FBRSL1: variants seen among roughly 807,000 people sequenced by gnomAD.
FBRSL1 encodes fibrosin like 1, also known as fibrosin-1-like protein.
In FBRSL1, 51 loss-of-function variants were observed where a neutral mutation model predicts 89.6. The ratio of observed to expected loss-of-function variants is 0.57; its 90% CI spans 0.45 to 0.72. The LOEUF is 0.72. FBRSL1 is among the 30% of genes least tolerant of loss of function. The pLI is 0.00. For missense variants in FBRSL1, 1,618 were observed against 1,451.8 expected (o/e 1.11, Z -1.86); for synonymous variants, 779 against 681.1 (o/e 1.14, Z -2.24).
At chr12:132,565,629 A>C (rs1470756537) in intron 5 of FBRSL1, 1 of 152,062 alleles carries the variant, frequency 6.6e-6, no homozygotes, top group Non-Finnish European at 1.5e-5. Flanking sequence ...GTTTGTGCCC[A>C]TGTACGTGTA....
In FBRSL1 at chr12:132,507,626, C is replaced by T. The variant is rs2033840837; in HGVS notation, c.292-527C>T. On this transcript the variant is annotated intron_variant, in intron 1 of 18. Transcript: ENST00000680143. ...GGTGAACACGGGGAAGCATCTCTGT[C>T]CCAAATCCACAGACCCGTCTGGGAG... 2.0e-5 allele frequency among the ~76,000 whole-genome samples: 3 copies of T among 152,140 alleles called. No homozygotes were observed. The South Asian group carries it at 6.2e-4, about 31-fold the overall frequency.
intron 2 of FBRSL1, among the ~76,000 whole-genome samples, chr12:132,524,723 C>T (rs1593339007): frequency 6.6e-6 from 1 of 152,202 alleles, no homozygotes; most frequent in Non-Finnish European, 1.5e-5. Flanking sequence ...AGAGGGAGAC[C>T]GCTGGGCTTC....
intron 5 of FBRSL1, among the ~76,000 whole-genome samples, chr12:132,549,638 C>A (rs1211385734): frequency 6.6e-6 from 1 of 152,218 alleles, no homozygotes; most frequent in Admixed American, 6.5e-5. Context: ...TCCCTCTCCC[C>A]TCCCCGCCTG....
At chr12:132,508,575 C>T (rs1324659168) in intron 2 of FBRSL1, among the ~76,000 whole-genome samples, 1 of 152,182 alleles carries the variant, frequency 6.6e-6, no homozygotes, top group African/African-American at 2.4e-5. Context: ...AGGGCCACAG[C>T]AGGAGAGGTG....
At chr12:132,580,778 C>T (rs1050213719) in intron 15 of FBRSL1, 3 of 985,298 alleles carry the variant, frequency 3.0e-6, no homozygotes, top group Non-Finnish European at 3.6e-6. Flanking sequence ...AAGATGACGC[C>T]CTGCTGGTCT....
At chr12:132,551,164 T>C in intron 5 of FBRSL1, 2 of 347,070 alleles carry the variant, frequency 5.8e-6, no homozygotes, top group South Asian at 2.1e-5. Context: ...GACAGGAACA[T>C]GGGGGTGCTT....
chr12:132,502,993 C>T (rs1193494162), intron 1 of FBRSL1, among the ~76,000 whole-genome samples: 3 of 151,954 alleles, frequency 2.0e-5, no homozygotes, highest in African/African-American at 7.2e-5. Context: ...TCTGGGTCTC[C>T]GACTTGTCTG....
intron 5 of FBRSL1, chr12:132,550,963 G>A (rs934888756): frequency 4.3e-6 from 1 of 232,038 alleles, no homozygotes; most frequent in Admixed American, 4.9e-5. Flanking sequence ...CGCACACAGA[G>A]GCGTAGGCAG....
intron 2 of FBRSL1, among the ~76,000 whole-genome samples, chr12:132,524,388 C>G (rs2035612074): frequency 6.6e-6 from 1 of 152,242 alleles, no homozygotes; most frequent in Non-Finnish European, 1.5e-5. Flanking sequence ...ACCTCAGGGG[C>G]CTGGGTGACA....
rs541007099 is a variant in FBRSL1, at chr12:132,574,357, G to A, written c.1629+9G>A. On this transcript the variant is annotated intron_variant, in intron 13 of 18. Coordinates refer to ENST00000680143, the MANE Select transcript of FBRSL1 (RefSeq NM_001367871.1). ...ACCGGGCGGTGGTCAAGGTGAGCAC[G>A]TGTTGGGAAGGCCCGTGGCAAGGGA... 9.6e-5 allele frequency: 149 copies of A among 1,549,870 alleles called. 1 individual carries two copies. The South Asian group carries it at 1.5e-3, about 16-fold the overall frequency.
chr12:132,545,593 G>C (rs980437990), intron 4 of FBRSL1, among the ~76,000 whole-genome samples: 1 of 152,198 alleles, frequency 6.6e-6, no homozygotes, highest in African/African-American at 2.4e-5. Context: ...TCCAGCCACA[G>C]ACCTGAAACC....
At chr12:132,526,964 G>C (rs1340202486) in intron 3 of FBRSL1, among the ~76,000 whole-genome samples, 1 of 152,134 alleles carries the variant, frequency 6.6e-6, no homozygotes, top group East Asian at 1.9e-4. Context: ...AGGGATCCAA[G>C]GGTGTGGGGG....
At chr12:132,569,547 C>T (rs2039866080) in intron 6 of FBRSL1, among the ~76,000 whole-genome samples, 1 of 152,154 alleles carries the variant, frequency 6.6e-6, no homozygotes, top group South Asian at 2.1e-4. Flanking sequence ...AATCCAGCTC[C>T]CCTCTTGGGC....
At position 132,582,058 on chromosome 12, in the gene FBRSL1, C is replaced by T; in HGVS notation, c.1997-4C>T. 6.5e-7 allele frequency: 1 copy of T among 1,544,710 alleles called. No homozygotes were observed. Among genetic ancestry groups the T allele is most frequent in the South Asian group, 1.2e-5 (1 of 83,782 alleles). ...ACCTCATGCTCCCCGGCCTCTGCCC[C>T]CAGCTCCCGGTGGCAGCATCTTTGC... On this transcript the variant is annotated splice_region_variant and splice_polypyrimidine_tract_variant and intron_variant, in intron 17 of 18. Transcript: ENST00000680143.
At chr12:132,522,490 C>T (rs1325738324) in intron 2 of FBRSL1, among the ~76,000 whole-genome samples, 2 of 152,180 alleles carry the variant, frequency 1.3e-5, no homozygotes, top group African/African-American at 4.8e-5. Context: ...GGCTGGTCTG[C>T]GGCTGCCCAG....
chr12:132,561,520 C>G (rs564972621), intron 5 of FBRSL1, among the ~76,000 whole-genome samples: 3 of 152,320 alleles, frequency 2.0e-5, no homozygotes, highest in South Asian at 2.1e-4. Context: ...TGGGGTCTGC[C>G]TTTTGGGTTG....
intron 15 of FBRSL1, among the ~76,000 whole-genome samples, chr12:132,579,781 C>T (rs2138105703): frequency 6.6e-6 from 1 of 152,308 alleles, no homozygotes; most frequent in East Asian, 1.9e-4. Flanking sequence ...TTTTTCTGCT[C>T]TCTGGAAGAG....
intron 2 of FBRSL1, among the ~76,000 whole-genome samples, chr12:132,521,106 C>T (rs2035310990): frequency 6.6e-6 from 1 of 152,230 alleles, no homozygotes; most frequent in Non-Finnish European, 1.5e-5. Context: ...CAAGTCTGGA[C>T]CCATGACATC....
intron 4 of FBRSL1, among the ~76,000 whole-genome samples, chr12:132,540,908 C>T (rs1401739141): frequency 6.6e-5 from 10 of 152,220 alleles, no homozygotes; most frequent in Admixed American, 5.9e-4. Context: ...AAGTTATTTC[C>T]CTCTGAACCT....
Sources: allele counts gnomAD v4.1 joint callset (sites outside exome capture counted in the v4.1 genomes callset), GRCh38; gene constraint gnomAD v4.1.1; transcripts MANE v1.5; gene names NCBI Gene and HGNC (gene_info 2026-07-23, HGNC 2026-07-21).